The following QKI variants were observed in gnomAD, a reference collection of about 807,000 sequenced individuals.
QKI encodes QKI, KH domain containing RNA binding, also known as KH domain-containing RNA-binding protein QKI.
Under a neutral mutation model 39.0 loss-of-function variants are expected in QKI, and 10 were observed. That is an observed-to-expected ratio of 0.26 (90% CI 0.16 to 0.43). The LOEUF is 0.43. Among genes scored for constraint, QKI ranks in the 20% least tolerant of loss-of-function variants. The pLI, the probability that QKI is intolerant of heterozygous loss-of-function variation, is 1.00. For synonymous variants in QKI, 204 were observed against 155.4 expected (o/e 1.31, Z -2.33); for missense variants, 218 against 428.0 (o/e 0.51, Z 4.33).
chr6:163,479,395 G>A (rs1234932889), intron 3 of QKI, among the ~76,000 whole-genome samples: 2 of 152,146 alleles, frequency 1.3e-5, no homozygotes, highest in Non-Finnish European at 2.9e-5. Context: ...TTTTTGAGAC[G>A]GAGTCTCGCT....
intron 3 of QKI, among the ~76,000 whole-genome samples, chr6:163,508,251 T>G (rs1779218403): frequency 6.6e-6 from 1 of 152,056 alleles, no homozygotes; most frequent in Admixed American, 6.5e-5. Flanking sequence ...CTCACAAATT[T>G]GATGAAAGAC....
intron 1 of QKI, chr6:163,416,294 T>G (rs1422939934): frequency 2.4e-5 from 5 of 211,166 alleles, no homozygotes; most frequent in Non-Finnish European, 4.0e-5. Context: ...CTTTGGAATT[T>G]CCTTAAGAAG....
intron 3 of QKI, among the ~76,000 whole-genome samples, chr6:163,499,824 A>T (rs1028602131): frequency 6.6e-6 from 1 of 152,154 alleles, no homozygotes; most frequent in African/African-American, 2.4e-5. Context: ...TCTTGCTCTC[A>T]TGGAGCATAA....
chr6:163,428,541 AAAAG>A (rs1452399282), intron 1 of QKI, among the ~76,000 whole-genome samples: 1 of 152,142 alleles, frequency 6.6e-6, no homozygotes, highest in Non-Finnish European at 1.5e-5. Context: ...TCAGCAGTAA[AAAAG>A]ATAGTCTTAT....
chr6:163,549,753 T>C (rs1782114664), intron 4 of QKI, among the ~76,000 whole-genome samples: 1 of 152,214 alleles, frequency 6.6e-6, no homozygotes, highest in Non-Finnish European at 1.5e-5. Flanking sequence ...TGGTGTTCTT[T>C]ACTTGTCTGT....
intron 3 of QKI, among the ~76,000 whole-genome samples, chr6:163,492,976 G>C (rs987814455): frequency 3.3e-5 from 5 of 152,062 alleles, no homozygotes; most frequent in Non-Finnish European, 1.5e-5. Context: ...TTCACGTTTA[G>C]TGTAGAAAAA....
chr6:163,498,302 T>TA (rs1249054861), intron 3 of QKI, among the ~76,000 whole-genome samples: 1 of 152,150 alleles, frequency 6.6e-6, no homozygotes, highest in Non-Finnish European at 1.5e-5. Flanking sequence ...TTCTCAGTGT[T>TA]AAAGAAAGTT....
At chr6:163,490,679 T>C (rs1777994583) in intron 3 of QKI, among the ~76,000 whole-genome samples, 1 of 152,188 alleles carries the variant, frequency 6.6e-6, no homozygotes, top group South Asian at 2.1e-4. Context: ...TATCCAAATT[T>C]ATTTCATTTT....
rs185435674 is a variant in QKI at position 163,444,949 on chromosome 6, C to T, written c.143-10330C>T. On this transcript the variant is annotated intron_variant, in intron 1 of 7. Coordinates refer to ENST00000361752, the MANE Select transcript of QKI (RefSeq NM_006775.3). ...TTTTTGAGACAGGGTCCTGCTCTGT[C>T]ACCCAGGCGAGTGCAGCGGAGTGAT... Among the ~76,000 whole-genome samples, 21 of 152,066 alleles carry T rather than the reference C, an allele frequency of 1.4e-4. No individual in the cohort carries two copies. In the East Asian group the frequency reaches 3.7e-3, roughly 27 times the overall value.
At chr6:163,450,411 A>G (rs1448052195) in intron 1 of QKI, among the ~76,000 whole-genome samples, 1 of 152,228 alleles carries the variant, frequency 6.6e-6, no homozygotes, top group Non-Finnish European at 1.5e-5. Context: ...TGCACGTACA[A>G]TAATTTGGAT....
intron 2 of QKI, among the ~76,000 whole-genome samples, chr6:163,471,806 C>A (rs960207515): frequency 6.6e-6 from 1 of 151,354 alleles, no homozygotes; most frequent in African/African-American, 2.4e-5. Context: ...ATTGGCTGTT[C>A]CTGTTAAAAT....
At chr6:163,527,266 A>G (rs547902390) in intron 3 of QKI, among the ~76,000 whole-genome samples, 1 of 152,276 alleles carries the variant, frequency 6.6e-6, no homozygotes, top group East Asian at 1.9e-4. Flanking sequence ...TGTGAAATCT[A>G]CTTTATGCCC....
chr6:163,503,342 C>G (rs1426995265), intron 3 of QKI, among the ~76,000 whole-genome samples: 1 of 151,982 alleles, frequency 6.6e-6, no homozygotes, highest in Non-Finnish European at 1.5e-5. Context: ...ATGTGGCTAG[C>G]CAGCTCTCCC....
intron 3 of QKI, among the ~76,000 whole-genome samples, chr6:163,505,483 G>C (rs560936622): frequency 6.6e-6 from 1 of 152,354 alleles, no homozygotes; most frequent in South Asian, 2.1e-4. Context: ...GCTGCCCAGT[G>C]CTGTGGGAGC....
chr6:163,536,708 T>C (rs1781233485), intron 4 of QKI, among the ~76,000 whole-genome samples: 1 of 152,224 alleles, frequency 6.6e-6, no homozygotes, highest in South Asian at 2.1e-4. Flanking sequence ...AAATAAATGA[T>C]TGAATCTTGT....
intron 4 of QKI, among the ~76,000 whole-genome samples, chr6:163,557,503 T>C (rs1273327822): frequency 3.3e-5 from 5 of 152,086 alleles, no homozygotes; most frequent in Admixed American, 3.3e-4. Context: ...CTTATGGAGA[T>C]AGAGTGTGGA....
chr6:163,432,625 T>C (rs1028703549), intron 1 of QKI, among the ~76,000 whole-genome samples: 18 of 152,148 alleles, frequency 1.2e-4, no homozygotes, highest in African/African-American at 4.3e-4. Context: ...GGTCTTAAAC[T>C]TAAGGCCTCA....
chr6:163,469,355 ATC>A (rs1277154153), intron 2 of QKI, among the ~76,000 whole-genome samples: 3 of 152,156 alleles, frequency 2.0e-5, no homozygotes, highest in South Asian at 2.1e-4. Flanking sequence ...GTACTAAAGT[ATC>A]TCTGTTCATA....
At position 163,566,755 on chromosome 6, in the gene QKI, G is replaced by A; in HGVS notation, c.969G>A (p.Met323Ile). The A allele has an allele frequency of 6.2e-7, 1 of 1,613,838 alleles. No homozygotes were observed. Among genetic ancestry groups the A allele is most frequent in the Non-Finnish European group, 8.5e-7 (1 of 1,179,870 alleles). The change falls in exon 7 of 8, where the codon ATG becomes ATA. Residue 323 changes from methionine (M) to isoleucine (I), a missense_variant. Met to Ile is a conservative substitution (Grantham distance 10, BLOSUM62 1). Coordinates refer to ENST00000361752, the MANE Select transcript of QKI (RefSeq NM_006775.3). ...CTACTAAAGTTCGAAGGCACGATAT[G>A]CGTGTCCATCCTTACCAAAGGATTG... ...AVATKVRRHD[M>I]RVHPYQRIVT...
Sources: allele counts gnomAD v4.1 joint callset (sites outside exome capture counted in the v4.1 genomes callset), GRCh38; gene constraint gnomAD v4.1.1; transcripts MANE v1.5; gene names NCBI Gene and HGNC (gene_info 2026-07-23, HGNC 2026-07-21).